SLC35D4: variants seen among roughly 807,000 people sequenced by gnomAD.
SLC35D4 encodes the protein UDP-N-acetylglucosamine transporter SLC35D4.
the SLC35D4 span, among the ~76,000 whole-genome samples, chr18:23,263,910 C>G: frequency 6.6e-6 from 1 of 152,332 alleles, no homozygotes; most frequent in African/African-American, 2.4e-5. Flanking sequence ...GTCAGGTGCG[C>G]TGAAAGGCAC....
the SLC35D4 span, among the ~76,000 whole-genome samples, chr18:23,265,475 C>G: frequency 6.7e-6 from 1 of 150,308 alleles, no homozygotes; most frequent in Non-Finnish European, 1.5e-5. Flanking sequence ...AACCCCAAAG[C>G]ATTCTGGAAA....
the SLC35D4 span, among the ~76,000 whole-genome samples, chr18:23,289,014 C>A: frequency 6.6e-6 from 1 of 152,190 alleles, no homozygotes; most frequent in Non-Finnish European, 1.5e-5. Context: ...CCTGTACGGA[C>A]GCTCCTTTTT....
chr18:23,303,268 C>T, the SLC35D4 span, among the ~76,000 whole-genome samples: 12 of 152,256 alleles, frequency 7.9e-5, no homozygotes, highest in Admixed American at 2.0e-4. Context: ...AACACACCAT[C>T]TTTAACCTCA....
chr18:23,317,663 A>G, the SLC35D4 span, among the ~76,000 whole-genome samples: 1 of 152,132 alleles, frequency 6.6e-6, no homozygotes, highest in Non-Finnish European at 1.5e-5. Context: ...TCCCCATACA[A>G]CTACTTTTCT....
chr18:23,351,129 G>A, the SLC35D4 span, among the ~76,000 whole-genome samples: 800 of 152,260 alleles, frequency 5.3e-3, 9 homozygotes, highest in African/African-American at 0.019. Flanking sequence ...CATGTGGACC[G>A]AGCACAGTGG....
chr18:23,315,842 A>G, the SLC35D4 span, among the ~76,000 whole-genome samples: 3 of 152,192 alleles, frequency 2.0e-5, no homozygotes, highest in African/African-American at 7.2e-5. Context: ...GCAGAGTCAT[A>G]TAAGAATAAG....
At chr18:23,343,154 C>T in the SLC35D4 span, among the ~76,000 whole-genome samples, 1 of 152,210 alleles carries the variant, frequency 6.6e-6, no homozygotes, top group South Asian at 2.1e-4. Context: ...AACTCCTGAT[C>T]TCAGGTGATC....
chr18:23,257,629 C>T, the SLC35D4 span: 10 of 353,726 alleles, frequency 2.8e-5, no homozygotes, highest in Admixed American at 1.9e-4. Flanking sequence ...TGTCCACTAG[C>T]GAGAATCCCT....
the SLC35D4 span, among the ~76,000 whole-genome samples, chr18:23,255,986 T>C: frequency 6.6e-6 from 1 of 152,224 alleles, no homozygotes; most frequent in African/African-American, 2.4e-5. Flanking sequence ...GGTGCCTCTA[T>C]CACCTGAACT....
At chr18:23,412,430 T>C in the SLC35D4 span, among the ~76,000 whole-genome samples, 3 of 152,366 alleles carry the variant, frequency 2.0e-5, no homozygotes, top group East Asian at 5.8e-4. Context: ...GGAAAGGATT[T>C]CTGCATATTA....
chr18:23,400,270 T>G, the SLC35D4 span, among the ~76,000 whole-genome samples: 1 of 152,226 alleles, frequency 6.6e-6, no homozygotes, highest in Non-Finnish European at 1.5e-5. Context: ...ATCAAAATCC[T>G]AGTTCTCACA....
At chr18:23,298,204 C>A in the SLC35D4 span, 233 of 949,270 alleles carry the variant, frequency 2.5e-4, no homozygotes, top group Non-Finnish European at 3.5e-4. Context: ...TGCCATGCTT[C>A]CAGGTCAAGC....
At chr18:23,276,875 AC>A in the SLC35D4 span, among the ~76,000 whole-genome samples, 2 of 152,036 alleles carry the variant, frequency 1.3e-5, no homozygotes, top group African/African-American at 4.8e-5. Flanking sequence ...CACGACATGC[AC>A]TCTGCAGGAC....
At chr18:23,338,100 AG>A in the SLC35D4 span, among the ~76,000 whole-genome samples, 1 of 152,248 alleles carries the variant, frequency 6.6e-6, no homozygotes, top group Non-Finnish European at 1.5e-5. Flanking sequence ...AACAGCCAGC[AG>A]GGTGGTCTCC....
the SLC35D4 span, among the ~76,000 whole-genome samples, chr18:23,308,668 C>A: frequency 6.6e-6 from 1 of 152,134 alleles, no homozygotes; most frequent in African/African-American, 2.4e-5. Flanking sequence ...GCACCGTTGT[C>A]CCCCAGCATC....
chr18:23,248,129 G>A, the SLC35D4 span, among the ~76,000 whole-genome samples: 2 of 152,254 alleles, frequency 1.3e-5, no homozygotes, highest in East Asian at 3.8e-4. Flanking sequence ...CAGAGCCGCA[G>A]GCTGAGCTGA....
the SLC35D4 span, among the ~76,000 whole-genome samples, chr18:23,386,124 CAA>C: frequency 9.7e-5 from 4 of 41,130 alleles, no homozygotes; most frequent in Admixed American, 2.5e-4. Flanking sequence ...GACTCTGTCT[CAA>C]AAAAAAAAAA....
chr18:23,327,130 T>C, the SLC35D4 span, among the ~76,000 whole-genome samples: 1 of 152,000 alleles, frequency 6.6e-6, no homozygotes, highest in Non-Finnish European at 1.5e-5. Context: ...AACATCATAA[T>C]TAAAAGAACT....
chr18:23,304,518 T>C, the SLC35D4 span, among the ~76,000 whole-genome samples: 8 of 149,006 alleles, frequency 5.4e-5, no homozygotes, highest in East Asian at 1.4e-3. Context: ...ATCAATTATA[T>C]ATAACATATA....
Sources: allele counts gnomAD v4.1 joint callset (sites outside exome capture counted in the v4.1 genomes callset), GRCh38; gene constraint gnomAD v4.1.1; transcripts MANE v1.5; gene names NCBI Gene and HGNC (gene_info 2026-07-23, HGNC 2026-07-21).